The following PDGFC variants were observed in gnomAD, a reference collection of about 807,000 sequenced individuals.
PDGFC encodes the protein platelet-derived growth factor C.
PDGFC carries 12 observed loss-of-function variants against 35.5 expected under a neutral mutation model. The ratio of observed to expected loss-of-function variants is 0.34; its 90% CI spans 0.22 to 0.55. The LOEUF (loss-of-function observed/expected upper bound fraction) is 0.55. Ranked by LOEUF, PDGFC falls within the 20% of genes least tolerant of loss-of-function variation. PDGFC has a pLI of 0.91. For missense variants in PDGFC, 322 were observed against 412.4 expected (o/e 0.78, Z 1.90); for synonymous variants, 159 against 148.8 (o/e 1.07, Z -0.50).
chr4:156,829,359 T>C (rs1386106373), intron 2 of PDGFC, among the ~76,000 whole-genome samples: 3 of 152,194 alleles, frequency 2.0e-5, no homozygotes, highest in Admixed American at 6.5e-5. Flanking sequence ...TTCATCATTG[T>C]AATAAGTCCT....
At chr4:156,768,546 T>A (rs1305474918) in intron 4 of PDGFC, among the ~76,000 whole-genome samples, 1 of 152,004 alleles carries the variant, frequency 6.6e-6, no homozygotes, top group African/African-American at 2.4e-5. Context: ...AAGACAGCTG[T>A]GTAGACCATG....
chr4:156,900,715 A>G (rs1730747559), intron 1 of PDGFC, among the ~76,000 whole-genome samples: 1 of 152,036 alleles, frequency 6.6e-6, no homozygotes, highest in African/African-American at 2.4e-5. Flanking sequence ...ATGGTAGCAC[A>G]TGCCAGATAC....
Position 156,761,573 on chromosome 4 carries a change from T to C in PDGFC, c.*1517A>G, listed in dbSNP as rs894569118. On this transcript the variant is annotated 3_prime_UTR_variant, in exon 6 of 6. Transcript: ENST00000502773. ...ACAGAAAATTTTATCTTTCATTTTC[T>C]CAGAGTCCAAGAAATAAATCTTGAG... 6.6e-6 allele frequency: 1 copy of C among 152,512 alleles called. No homozygotes were observed. Among genetic ancestry groups the C allele is most frequent in the Non-Finnish European group, 1.5e-5 (1 of 68,032 alleles). 9.4% of individuals were successfully genotyped at this position (152,512 alleles called of 1,614,324 possible).
chr4:156,804,315 C>G (rs1301194181), intron 3 of PDGFC, among the ~76,000 whole-genome samples: 1 of 151,980 alleles, frequency 6.6e-6, no homozygotes, highest in African/African-American at 2.4e-5. Flanking sequence ...CCAAGCATAT[C>G]TGATGAAAAC....
intron 1 of PDGFC, among the ~76,000 whole-genome samples, chr4:156,922,155 A>AGTGTGTGTGTGTGTGT (rs3070262): frequency 1.8e-4 from 26 of 145,374 alleles, no homozygotes; most frequent in African/African-American, 5.8e-4. Context: ...AAGGATTCAT[A>AGTGTGTGTGTGTGTGT]GTGTGTGTGT....
chr4:156,920,926 TAATC>T (rs150883286), intron 1 of PDGFC, among the ~76,000 whole-genome samples: 291 of 152,242 alleles, frequency 1.9e-3, no homozygotes, highest in African/African-American at 6.1e-3. Context: ...TTTCACTACA[TAATC>T]AAGTAACAAA....
chr4:156,767,065 A>G (rs943974190), intron 5 of PDGFC, among the ~76,000 whole-genome samples: 6 of 152,124 alleles, frequency 3.9e-5, no homozygotes, highest in Non-Finnish European at 1.5e-5. Context: ...TGACTCATCA[A>G]GAAGGATGGC....
chr4:156,854,466 TA>T (rs201652236), intron 1 of PDGFC, among the ~76,000 whole-genome samples: 39 of 151,604 alleles, frequency 2.6e-4, no homozygotes, highest in African/African-American at 7.3e-4. Flanking sequence ...TATTTGTGGT[TA>T]AAAAAAAATT....
Position 156,866,668 on chromosome 4 carries a change from T to C in PDGFC, c.119-16252A>G, listed in dbSNP as rs538814181. Among the ~76,000 whole-genome samples, 4 of 152,320 alleles carry C rather than the reference T, an allele frequency of 2.6e-5. No homozygotes were observed. In the South Asian group the frequency reaches 8.3e-4, roughly 32 times the overall value. On this transcript the variant is annotated intron_variant, in intron 1 of 5. Coordinates refer to ENST00000502773, the MANE Select transcript of PDGFC (RefSeq NM_016205.3). ...TTTCATCCTGAAACTTTGTACCATT[T>C]GACCAATACCATCAGACCTTCTATT...
intron 1 of PDGFC, among the ~76,000 whole-genome samples, chr4:156,885,704 A>C (rs1730360955): frequency 6.6e-6 from 1 of 152,076 alleles, no homozygotes; most frequent in African/African-American, 2.4e-5. Flanking sequence ...CAGCCTGGGC[A>C]ACACAGCGAG....
chr4:156,853,695 C>T (rs919819943), intron 1 of PDGFC, among the ~76,000 whole-genome samples: 8 of 152,198 alleles, frequency 5.3e-5, no homozygotes, highest in African/African-American at 1.7e-4. Context: ...GGCACTGTGG[C>T]TCCTGTCTGT....
intron 1 of PDGFC, among the ~76,000 whole-genome samples, chr4:156,863,915 G>T (rs919435104): frequency 2.0e-5 from 3 of 151,884 alleles, no homozygotes; most frequent in Non-Finnish European, 4.4e-5. Flanking sequence ...TTAATTATTT[G>T]ATTACTTAGT....
chr4:156,769,090 GTTT>G (rs1247812202), intron 4 of PDGFC, among the ~76,000 whole-genome samples: 1 of 151,188 alleles, frequency 6.6e-6, no homozygotes, highest in East Asian at 1.9e-4. Context: ...TGCCTTCAGG[GTTT>G]TTTTCTCCTA....
At chr4:156,929,074 C>T (rs17035451) in intron 1 of PDGFC, among the ~76,000 whole-genome samples, 33 of 152,084 alleles carry the variant, frequency 2.2e-4, no homozygotes, top group East Asian at 1.4e-3. Context: ...GGGTCAGCTG[C>T]GAGCAATAGT....
Position 156,899,490 on chromosome 4 carries a change from C to T in PDGFC, c.119-49074G>A, listed in dbSNP as rs540269421. 3.3e-5 allele frequency among the ~76,000 whole-genome samples: 5 copies of T among 152,288 alleles called. No individual in the cohort carries two copies. In the East Asian group the frequency reaches 7.7e-4, roughly 23 times the overall value. ...TCATGGACCATTCACTTACTAACTCCGATGACTTCTATTCTTAACTTTTAT... is the reference window on the plus strand; with the variant it reads ...TCATGGACCATTCACTTACTAACTCTGATGACTTCTATTCTTAACTTTTAT... On this transcript the variant is annotated intron_variant, in intron 1 of 5. Coordinates refer to ENST00000502773, the MANE Select transcript of PDGFC (RefSeq NM_016205.3).
At chr4:156,778,824 C>T (rs983063169) in intron 3 of PDGFC, among the ~76,000 whole-genome samples, 2 of 152,156 alleles carry the variant, frequency 1.3e-5, no homozygotes, top group Non-Finnish European at 2.9e-5. Context: ...TTAGGGCCTA[C>T]AAAGATTTAT....
chr4:156,825,605 G>T (rs866111861), intron 2 of PDGFC, among the ~76,000 whole-genome samples: 1,468 of 118,164 alleles, frequency 0.012, 18 homozygotes, highest in East Asian at 0.015. Flanking sequence ...AGAAGAAGAA[G>T]AAGAAGAAGA....
intron 1 of PDGFC, among the ~76,000 whole-genome samples, chr4:156,932,663 G>A: frequency 6.8e-6 from 1 of 146,620 alleles, no homozygotes; most frequent in Non-Finnish European, 1.5e-5. Flanking sequence ...ACCAAACACA[G>A]CATGTTCTCA....
chr4:156,847,949 A>G (rs1046708714), intron 2 of PDGFC, among the ~76,000 whole-genome samples: 1 of 151,762 alleles, frequency 6.6e-6, no homozygotes. Context: ...CTGACTTTGC[A>G]TTTCACTGGG....
Sources: gnomAD v4.1 joint callset for allele counts (sites outside exome capture counted in the v4.1 genomes callset) on GRCh38, gnomAD v4.1.1 for gene constraint, MANE v1.5 for transcripts, NCBI Gene and HGNC (gene_info 2026-07-23, HGNC 2026-07-21) for gene names.